Variants in EHMT1 observed in about 807,000 individuals in gnomAD.
EHMT1 encodes the protein euchromatic histone lysine methyltransferase 1, also known as histone-lysine N-methyltransferase EHMT1.
Under a neutral mutation model 147.2 loss-of-function variants are expected in EHMT1, and 15 were observed. The observed-to-expected ratio is 0.10, with a 90% CI of 0.07 to 0.16. The LOEUF is 0.16. Ranked by LOEUF, EHMT1 falls within the 10% of genes least tolerant of loss-of-function variation. The pLI, the probability that EHMT1 is intolerant of heterozygous loss-of-function variation, is 1.00. For synonymous variants in EHMT1, 795 were observed against 709.6 expected (o/e 1.12, Z -1.91); for missense variants, 1,587 against 1,772.4 (o/e 0.90, Z 1.88).
Position 137,731,046 on chromosome 9 carries a change from T to C in EHMT1, c.823+2517T>C, listed in dbSNP as rs531943139. Among the ~76,000 whole-genome samples the C allele has an allele frequency of 3.9e-5, 6 of 152,248 alleles. No individual in the cohort carries two copies. Among genetic ancestry groups the C allele is most frequent in the Non-Finnish European group, 7.3e-5 (5 of 68,044 alleles). On this transcript the variant is annotated intron_variant, in intron 4 of 26. Transcript: ENST00000460843. The surrounding 1 kb of genome is among the most constrained non-coding windows in gnomAD (Gnocchi z 4.3). ...TTGTTAAAGTGTTGAGATTTTCTTT[T>C]CCTATTTTAGCTTTATTATATCGCC...
chr9:137,730,983 C>G (rs993699050), intron 4 of EHMT1, among the ~76,000 whole-genome samples: 2 of 152,254 alleles, frequency 1.3e-5, no homozygotes, highest in African/African-American at 4.8e-5. Flanking sequence ...TGGAGTTATG[C>G]TCACGTATGT....
At chr9:137,804,480 GT>G (rs1953761607) in intron 18 of EHMT1, among the ~76,000 whole-genome samples, 1 of 152,136 alleles carries the variant, frequency 6.6e-6, no homozygotes. Context: ...GTATTCTGGA[GT>G]TTTAAGAGTT....
At position 137,801,079 on chromosome 9, in the gene EHMT1, C is replaced by A. The variant is rs968883817; in HGVS notation, c.2712+95C>A. The A allele has an allele frequency of 6.3e-4, 711 of 1,134,418 alleles. 1 individual carries two copies. The highest frequency in any genetic ancestry group is 8.6e-4 in the Non-Finnish European group (658 of 768,658). 70.3% of individuals were successfully genotyped at this position (1,134,418 alleles called of 1,614,324 possible). On this transcript the variant is annotated intron_variant, in intron 18 of 26. Transcript: ENST00000460843. ...TTTTCTCAAAAGCAGAACCCTGGCA[C>A]CTGGTGGCGGCTTTGACCTCTTCCT...
At chr9:137,823,900 T>A (rs1388506897) in intron 25 of EHMT1, among the ~76,000 whole-genome samples, 2 of 152,252 alleles carry the variant, frequency 1.3e-5, no homozygotes. Flanking sequence ...TCTTGAGTTG[T>A]AGGAGCTCTT....
chr9:137,646,135 T>C (rs905381160), intron 1 of EHMT1, among the ~76,000 whole-genome samples: 4 of 152,082 alleles, frequency 2.6e-5, no homozygotes, highest in Non-Finnish European at 5.9e-5. Context: ...ACTTTTTGTA[T>C]TTTAAATAGG....
rs2136220903 is a variant in EHMT1 at position 137,754,398 on chromosome 9, C to T, written c.1369+107C>T. ...CGTAGGATTTCATTAGAAAAGAGGG[C>T]ATCACTGTTTAAAAAAAATGTTTGA... On this transcript the variant is annotated intron_variant, in intron 8 of 26. Transcript: ENST00000460843. 4.8e-6 allele frequency: 7 copies of T among 1,457,088 alleles called. 1 individual carries two copies. The South Asian group carries it at 6.4e-5, about 13-fold the overall frequency. The allele number at this position is 1,457,088 out of a possible 1,614,324, so 90.3% of individuals were successfully genotyped here. A position where few individuals can be genotyped will look rare whatever the true frequency, so the allele number is the denominator to read the frequency against.
intron 25 of EHMT1, among the ~76,000 whole-genome samples, chr9:137,832,132 C>A (rs1014001089): frequency 6.8e-6 from 1 of 147,632 alleles, no homozygotes; most frequent in African/African-American, 2.5e-5. Context: ...CTCCGCAGAA[C>A]CCCCCAACCC....
chr9:137,727,255 TAC>T (rs1451086856), intron 3 of EHMT1, among the ~76,000 whole-genome samples: 1 of 152,200 alleles, frequency 6.6e-6, no homozygotes, highest in Non-Finnish European at 1.5e-5. Flanking sequence ...GTGCTGGAAT[TAC>T]AGGTGTGACA....
chr9:137,807,104 A>G (rs922289938), intron 18 of EHMT1, among the ~76,000 whole-genome samples: 16 of 152,156 alleles, frequency 1.1e-4, no homozygotes, highest in African/African-American at 3.6e-4. Flanking sequence ...AGGGTTTTTG[A>G]CAAATTTGGA....
intron 1 of EHMT1, among the ~76,000 whole-genome samples, chr9:137,707,875 G>T (rs911978982): frequency 6.6e-6 from 1 of 152,104 alleles, no homozygotes; most frequent in African/African-American, 2.4e-5. Flanking sequence ...GCTCCACCCC[G>T]GCTCATCTCA....
chr9:137,754,395 G>A, intron 8 of EHMT1, 104 bp downstream of exon 8: 1 of 1,474,194 alleles, frequency 6.8e-7, no homozygotes, highest in Non-Finnish European at 9.2e-7. Flanking sequence ...TTAGAAAAGA[G>A]GGCATCACTG....
chr9:137,807,066 T>TC (rs1954010985), intron 18 of EHMT1, among the ~76,000 whole-genome samples: 1 of 152,240 alleles, frequency 6.6e-6, no homozygotes, highest in African/African-American at 2.4e-5. Flanking sequence ...CACGTAGGGT[T>TC]CATTGAGCTT....
rs1354762298 is a variant in EHMT1, at chr9:137,780,740, T to C, written c.2275+1023T>C. Among the ~76,000 whole-genome samples, 5 of 98,822 alleles carry C rather than the reference T, an allele frequency of 5.1e-5. No homozygotes were observed. The South Asian group carries it at 1.3e-3, about 25-fold the overall frequency. The allele number at this position is 98,822 out of a possible 152,430, so 64.8% of individuals were successfully genotyped here. On this transcript the variant is annotated intron_variant, in intron 14 of 26. Coordinates refer to ENST00000460843, the MANE Select transcript of EHMT1 (RefSeq NM_024757.5). ...ACGCCGGTATGTGTGGTGATGACAC[T>C]GGGATGTGTGGTGATGACGCTGGGA...
intron 2 of EHMT1, among the ~76,000 whole-genome samples, chr9:137,711,807 G>C (rs1944754240): frequency 6.6e-6 from 1 of 152,146 alleles, no homozygotes; most frequent in Non-Finnish European, 1.5e-5. Context: ...TGGTGTTCTG[G>C]CTGGACCCAT....
At chr9:137,632,459 G>A (rs191369158) in intron 1 of EHMT1, among the ~76,000 whole-genome samples, 1 of 152,258 alleles carries the variant, frequency 6.6e-6, no homozygotes, top group Admixed American at 6.5e-5. Context: ...TTTTGAGATG[G>A]GGTTTCACTG....
chr9:137,810,825 A>T (rs774423108), intron 18 of EHMT1, among the ~76,000 whole-genome samples: 7 of 151,770 alleles, frequency 4.6e-5, no homozygotes, highest in Non-Finnish European at 1.0e-4. Context: ...TCAGCCTCGC[A>T]AGTAGCTGGG....
chr9:137,667,670 G>C (rs1275862718), intron 1 of EHMT1, among the ~76,000 whole-genome samples: 1 of 152,092 alleles, frequency 6.6e-6, no homozygotes, highest in Non-Finnish European at 1.5e-5. Context: ...ACTGTGAATA[G>C]GGGACAAAAA....
At chr9:137,664,452 G>C (rs1939419284) in intron 1 of EHMT1, among the ~76,000 whole-genome samples, 1 of 151,876 alleles carries the variant, frequency 6.6e-6, no homozygotes, top group Non-Finnish European at 1.5e-5. Context: ...TAGAGACTGG[G>C]TTTCACCATG....
At chr9:137,725,867 A>G (rs948203007) in intron 3 of EHMT1, among the ~76,000 whole-genome samples, 1 of 151,992 alleles carries the variant, frequency 6.6e-6, no homozygotes, top group African/African-American at 2.4e-5. Flanking sequence ...CTCCCAGCCA[A>G]GCCAGGTGCT....
Sources: allele counts gnomAD v4.1 joint callset (sites outside exome capture counted in the v4.1 genomes callset), GRCh38; gene constraint gnomAD v4.1.1; non-coding constraint Gnocchi (gnomAD v3.1); transcripts MANE v1.5; gene names NCBI Gene and HGNC (gene_info 2026-07-23, HGNC 2026-07-21).